Variants in RBFOX1 observed in about 807,000 individuals in gnomAD.
The protein encoded by RBFOX1 is RNA binding fox-1 homolog 1.
Under a neutral mutation model 57.7 loss-of-function variants are expected in RBFOX1, and 8 were observed. The ratio of observed to expected loss-of-function variants is 0.14; its 90% confidence interval spans 0.08 to 0.25. RBFOX1 has a LOEUF of 0.25. Among genes scored for constraint, RBFOX1 ranks in the 10% least tolerant of loss-of-function variants. The pLI is 1.00. For synonymous variants in RBFOX1, 326 were observed against 222.4 expected (o/e 1.47, Z -4.15); for missense variants, 611 against 548.5 (o/e 1.11, Z -1.14).
intron 2 of RBFOX1, among the ~76,000 whole-genome samples, chr16:6,590,507 A>C (rs2097695201): frequency 1.3e-5 from 2 of 152,166 alleles, no homozygotes; most frequent in Non-Finnish European, 2.9e-5. Context: ...TGTCCTTTAT[A>C]GCTTTCGGGA....
chr16:5,439,508 C>T (rs1474678076), intron 1 of RBFOX1, among the ~76,000 whole-genome samples: 2 of 151,816 alleles, frequency 1.3e-5, no homozygotes, highest in South Asian at 2.1e-4. Context: ...AGAGAACGAA[C>T]AAATGCATGA....
At chr16:5,679,871 G>C (rs922693338) in intron 3 of RBFOX1, among the ~76,000 whole-genome samples, 1 of 152,132 alleles carries the variant, frequency 6.6e-6, no homozygotes, top group Admixed American at 6.5e-5. Context: ...TTAAAGTACA[G>C]TTCATAGTGA....
chr16:5,793,370 C>G (rs1054278291), intron 3 of RBFOX1, among the ~76,000 whole-genome samples: 4 of 152,226 alleles, frequency 2.6e-5, no homozygotes, highest in African/African-American at 9.6e-5. Flanking sequence ...GAAATGCAAA[C>G]CTGAGCCTTG....
chr16:6,119,955 C>T (rs900775807), intron 1 of RBFOX1, among the ~76,000 whole-genome samples: 1 of 152,220 alleles, frequency 6.6e-6, no homozygotes, highest in Non-Finnish European at 1.5e-5. Context: ...TCCTCTGCCC[C>T]AGCCCTTAGC....
chr16:6,472,697 C>T (rs2095205206), intron 2 of RBFOX1, among the ~76,000 whole-genome samples: 1 of 151,686 alleles, frequency 6.6e-6, no homozygotes, highest in East Asian at 1.9e-4. Context: ...AATCTTGGCT[C>T]ACTGCAACCT....
chr16:6,321,432 C>G (rs2081776933), intron 2 of RBFOX1, among the ~76,000 whole-genome samples: 1 of 152,114 alleles, frequency 6.6e-6, no homozygotes, highest in African/African-American at 2.4e-5. Flanking sequence ...TGTCTCAAGC[C>G]CCAAAGTGTC....
chr16:6,140,999 A>G (rs545224057), intron 1 of RBFOX1, among the ~76,000 whole-genome samples: 2 of 152,132 alleles, frequency 1.3e-5, no homozygotes, highest in Admixed American at 6.6e-5. Flanking sequence ...ACTGACCCAC[A>G]CTGTGACTTG....
intron 3 of RBFOX1, among the ~76,000 whole-genome samples, chr16:7,037,208 A>C (rs1451753435): frequency 6.8e-6 from 1 of 146,124 alleles, no homozygotes; most frequent in African/African-American, 2.6e-5. Flanking sequence ...CTGGGAATGC[A>C]GCCCAGTAGG....
chr16:5,274,335 C>T (rs1395687619), intron 1 of RBFOX1, among the ~76,000 whole-genome samples: 2 of 152,258 alleles, frequency 1.3e-5, no homozygotes, highest in South Asian at 2.1e-4. Context: ...TCGAGACCAG[C>T]CTGGCCAACA....
chr16:5,374,579 C>A (rs2065939807), intron 1 of RBFOX1, among the ~76,000 whole-genome samples: 1 of 152,010 alleles, frequency 6.6e-6, no homozygotes, highest in African/African-American at 2.4e-5. Context: ...TGGGCAGGGT[C>A]CGGCTAAGAG....
chr16:6,586,038 G>T (rs988251903), intron 2 of RBFOX1, among the ~76,000 whole-genome samples: 16 of 152,168 alleles, frequency 1.1e-4, no homozygotes, highest in African/African-American at 3.9e-4. Flanking sequence ...GTATAGAACA[G>T]GTACTAGCTG....
chr16:5,520,683 C>G (rs558925450), intron 2 of RBFOX1, among the ~76,000 whole-genome samples: 1 of 152,168 alleles, frequency 6.6e-6, no homozygotes, highest in East Asian at 1.9e-4. Context: ...TGTATATGCT[C>G]GTCTCACCAT....
intron 3 of RBFOX1, among the ~76,000 whole-genome samples, chr16:6,735,808 A>G (rs2070081700): frequency 6.6e-6 from 1 of 152,318 alleles, no homozygotes; most frequent in Non-Finnish European, 1.5e-5. Flanking sequence ...TGAAGAACAC[A>G]GACATGAGGA....
intron 1 of RBFOX1, among the ~76,000 whole-genome samples, chr16:6,293,034 A>G (rs994838199): frequency 2.0e-5 from 3 of 152,166 alleles, no homozygotes; most frequent in Non-Finnish European, 2.9e-5. Flanking sequence ...ACCTGGAGGA[A>G]TGTCTACCCC....
chr16:6,032,420 T>A (rs1424905468), intron 1 of RBFOX1, among the ~76,000 whole-genome samples: 1 of 152,178 alleles, frequency 6.6e-6, no homozygotes, highest in Non-Finnish European at 1.5e-5. Context: ...CACTCCAGAT[T>A]GCTTCACTGA....
intron 3 of RBFOX1, among the ~76,000 whole-genome samples, chr16:5,865,559 C>T (rs2057326098): frequency 6.6e-6 from 1 of 152,130 alleles, no homozygotes; most frequent in South Asian, 2.1e-4. Flanking sequence ...GCCTGAGCTC[C>T]TCATCTGATG....
At chr16:7,507,749 G>C (rs1567572561) in intron 4 of RBFOX1, among the ~76,000 whole-genome samples, 2 of 151,938 alleles carry the variant, frequency 1.3e-5, no homozygotes, top group Non-Finnish European at 2.9e-5. Flanking sequence ...AATTTTAGTA[G>C]AGACGCGGTT....
chr16:6,127,075 G>A (rs1478583270), intron 1 of RBFOX1, among the ~76,000 whole-genome samples: 1 of 152,158 alleles, frequency 6.6e-6, no homozygotes, highest in East Asian at 1.9e-4. Context: ...CACATCCATG[G>A]GAAGAACATC....
intron 4 of RBFOX1, among the ~76,000 whole-genome samples, chr16:7,208,353 A>G (rs1469967877): frequency 1.3e-5 from 2 of 152,174 alleles, no homozygotes; most frequent in African/African-American, 2.4e-5. Context: ...GGGAATTTAT[A>G]AAGAAAAGAG....
Sources: allele counts gnomAD v4.1 joint callset (sites outside exome capture counted in the v4.1 genomes callset), GRCh38; gene constraint gnomAD v4.1.1; transcripts MANE v1.5; gene names NCBI Gene and HGNC (gene_info 2026-07-23, HGNC 2026-07-21).